The following CCNT2 variants were observed in gnomAD, a reference collection of about 807,000 sequenced individuals.
CCNT2 encodes cyclin-T2.
CCNT2 carries 18 observed loss-of-function variants against 70.0 expected under a neutral mutation model. The ratio of observed to expected loss-of-function variants is 0.26; its 90% CI spans 0.18 to 0.38. The LOEUF is 0.38. Among genes scored for constraint, CCNT2 ranks in the 10% least tolerant of loss-of-function variants. The pLI is 1.00. For synonymous variants in CCNT2, 334 were observed against 313.3 expected, an observed-to-expected ratio of 1.07 and a Z score of -0.70; for missense variants, 734 against 890.2, an observed-to-expected ratio of 0.82 and a Z score of 2.23.
chr2:134,953,426 A>G lies in CCNT2; in HGVS notation c.971A>G (p.Asp324Gly), dbSNP rs1362735949. Residue 324 changes from aspartate (D) to glycine (G), a missense_variant, in exon 9 of 9, where the codon GAC (aspartate) becomes GGC (glycine). By Grantham distance (94) the Asp-to-Gly change is moderately conservative. Around this residue, in one of 3 missense-constraint regions of CCNT2, gnomAD observed 532 missense variants for 556.9 expected, o/e 0.96. Coordinates refer to ENST00000264157, the MANE Select transcript of CCNT2 (RefSeq NM_058241.3). Reference protein sequence around the residue: ...PLNSGNISVQDSHTSDNLSML... With the variant: ...PLNSGNISVQGSHTSDNLSML... ...AATTCAGGAAATATTTCTGTTCAAG[A>G]CAGCCATACATCTGATAATTTGTCA... 1.9e-6 allele frequency: 3 copies of G among 1,611,022 alleles called. No individual in the cohort carries two copies. Among genetic ancestry groups the G allele is most frequent in the Non-Finnish European group, 2.5e-6 (3 of 1,178,356 alleles).
At chr2:134,937,114 G>A in intron 3 of CCNT2, 145 bp downstream of exon 3, 1 of 533,730 alleles carries the variant, frequency 1.9e-6, no homozygotes, top group East Asian at 3.1e-5. Flanking sequence ...ATGCCAGGAA[G>A]CAGTCTGGCA....
chr2:134,931,946 C>T (rs1439776490), intron 2 of CCNT2, among the ~76,000 whole-genome samples: 2 of 151,832 alleles, frequency 1.3e-5, no homozygotes, highest in African/African-American at 4.8e-5. Flanking sequence ...TAGATAGAGC[C>T]TTAACTATGA....
Position 134,954,369 on chromosome 2 carries a change from C to T in CCNT2, c.1914C>T (p.Ser638=), listed in dbSNP as rs1683435249. 1 of 1,614,140 alleles carries T rather than the reference C, an allele frequency of 6.2e-7. No homozygotes were observed. The highest frequency in any genetic ancestry group is 2.2e-5 in the East Asian group (1 of 44,886). ...ACCACTCCAAAATGAGCAAAAGTTC[C>T]AAAAGTTCAGGTAGTTCATCTAGTT... ...HNHHSKMSKS[S]KSSGSSSSSS... is the part of the protein sequence containing the mutation. Residue 638 remains serine (S), a synonymous_variant, in exon 9 of 9, where the codon TCC becomes TCT. Transcript: ENST00000264157.
rs545325932 is a variant in CCNT2, at chr2:134,955,200, A to G, written c.*552A>G. ...GAGCTGCTTGTAAGTATAACAATAT[A>G]CAGAATAACTTTATTTTATCTTGTC... On this transcript the variant is annotated 3_prime_UTR_variant, in exon 9 of 9. Coordinates refer to ENST00000264157, the MANE Select transcript of CCNT2 (RefSeq NM_058241.3). 6.5e-6 allele frequency: 1 copy of G among 154,006 alleles called. No homozygotes were observed. The highest frequency in any genetic ancestry group is 1.9e-4 in the East Asian group (1 of 5,198). The allele number at this position is 154,006 out of a possible 1,614,324, so 9.5% of individuals were successfully genotyped here. A position where few individuals can be genotyped will look rare whatever the true frequency, so the allele number is the denominator to read the frequency against.
chr2:134,954,297 C>T lies in CCNT2; in HGVS notation c.1842C>T (p.Ser614=), dbSNP rs745921388. The change falls in exon 9 of 9, where the codon TCC becomes TCT. Residue 614 remains serine, a synonymous_variant. Coordinates refer to ENST00000264157, the MANE Select transcript of CCNT2 (RefSeq NM_058241.3). The part of the protein sequence containing the change: ...GLSSDGISSS[S]SSSRKRLHVN... ...GCAGTGATGGCATTTCCTCTAGCTCCAGCTCTTCAAGGAAGAGGCTGCATG... is the reference window on the plus strand; with the variant it reads ...GCAGTGATGGCATTTCCTCTAGCTCTAGCTCTTCAAGGAAGAGGCTGCATG... The T allele has an allele frequency of 2.5e-6, 4 of 1,614,124 alleles. No individual in the cohort carries two copies. Among genetic ancestry groups the T allele is most frequent in the Non-Finnish European group, 2.5e-6 (3 of 1,179,964 alleles).
chr2:134,948,730 T>C (rs1682192907), intron 7 of CCNT2, among the ~76,000 whole-genome samples: 1 of 151,876 alleles, frequency 6.6e-6, no homozygotes, highest in Admixed American at 6.6e-5. Context: ...CTTTTTTTTT[T>C]TTTTGAGTCA....
chr2:134,930,280 T>A (rs1680644499), intron 2 of CCNT2, among the ~76,000 whole-genome samples: 2 of 152,216 alleles, frequency 1.3e-5, no homozygotes, highest in Non-Finnish European at 2.9e-5. Context: ...GTTTTCAAGG[T>A]CCGTTCATGG....
At position 134,956,347 on chromosome 2, in the gene CCNT2, G is replaced by A. The variant is rs1682923986; in HGVS notation, c.*1699G>A. 6.6e-6 allele frequency: 1 copy of A among 152,516 alleles called. No homozygotes were observed. The highest frequency in any genetic ancestry group is 2.1e-4 in the South Asian group (1 of 4,828). The allele number at this position is 152,516 out of a possible 1,614,324, so 9.4% of individuals were successfully genotyped here. ...TTTGTCAATGTTATTTGAACTTGGG[G>A]TACTTAGGAGCCTCTTTGTAGGGAC... is the stretch of plus-strand genomic sequence containing the variant. On this transcript the variant is annotated 3_prime_UTR_variant, in exon 9 of 9. Coordinates refer to ENST00000264157, the MANE Select transcript of CCNT2 (RefSeq NM_058241.3).
chr2:134,941,442 G>A (rs2105060487), intron 4 of CCNT2, among the ~76,000 whole-genome samples: 1 of 152,280 alleles, frequency 6.6e-6, no homozygotes, highest in South Asian at 2.1e-4. Context: ...TTACCAGTAA[G>A]GCTTCAGCGG....
chr2:134,939,257 T>C (rs2105054826), intron 4 of CCNT2, among the ~76,000 whole-genome samples, 195 bp downstream of exon 4: 1 of 152,322 alleles, frequency 6.6e-6, no homozygotes, highest in East Asian at 1.9e-4. Context: ...TTAAATTGAA[T>C]GGTAAACGTA....
rs900770729 is a variant in CCNT2, at chr2:134,954,517, G to C, written c.2062G>C (p.Asp688His). The change falls in exon 9 of 9, where the codon GAC becomes CAC. Residue 688 changes from aspartate to histidine, a missense_variant. By Grantham distance (81) the Asp-to-His change is moderately conservative (BLOSUM62 -1). Transcript: ENST00000264157. ...ACATCTCAGCACCCTCGTGAAACTG[G>C]ACAAGAAGCCAGTGGAGACCAACGG... ...YGHLSTLVKLDKKPVETNGPD... is the reference protein window; with the variant it reads ...YGHLSTLVKLHKKPVETNGPD... The C allele has an allele frequency of 6.2e-7, 1 of 1,614,044 alleles. No homozygotes were observed. The highest frequency in any genetic ancestry group is 1.3e-5 in the African/African-American group (1 of 74,914).
At chr2:134,928,970 T>C (rs1680513968) in intron 2 of CCNT2, among the ~76,000 whole-genome samples, 1 of 152,200 alleles carries the variant, frequency 6.6e-6, no homozygotes, top group Non-Finnish European at 1.5e-5. Flanking sequence ...TGATTGGGGT[T>C]TTGAATGCCT....
chr2:134,931,898 T>C (rs1427113909), intron 2 of CCNT2, among the ~76,000 whole-genome samples: 1 of 152,144 alleles, frequency 6.6e-6, no homozygotes, highest in Non-Finnish European at 1.5e-5. Flanking sequence ...TTAGTATTTA[T>C]TGTAGGCTGT....
intron 4 of CCNT2, among the ~76,000 whole-genome samples, chr2:134,939,454 TTTTATTTA>T (rs1030830002): frequency 1.3e-5 from 2 of 151,682 alleles, no homozygotes; most frequent in African/African-American, 4.8e-5. Flanking sequence ...ACCTTTTTTA[TTTTATTTA>T]TTTATTTATT....
At chr2:134,934,978 T>G (rs545699208) in intron 2 of CCNT2, among the ~76,000 whole-genome samples, 2 of 152,342 alleles carry the variant, frequency 1.3e-5, no homozygotes, top group African/African-American at 4.8e-5. Flanking sequence ...TTGAATGTCT[T>G]ATGTGGGCAT....
intron 1 of CCNT2, 109 bp from the exon 2 acceptor site, chr2:134,919,701 T>G: frequency 1.3e-6 from 1 of 784,208 alleles, no homozygotes. Context: ...AGTTTGGGGT[T>G]TGGATTTGAA....
At position 134,947,633 on chromosome 2, in the gene CCNT2, G is replaced by T. The variant is rs556230752; in HGVS notation, c.540-103G>T. 9.3e-6 allele frequency: 7 copies of T among 748,722 alleles called. No homozygotes were observed. In the African/African-American group the frequency reaches 1.1e-4, roughly 11 times the overall value. 46.4% of individuals were successfully genotyped at this position (748,722 alleles called of 1,614,324 possible). A position where few individuals can be genotyped will look rare whatever the true frequency, so the allele number is the denominator to read the frequency against. ...TAAGGTTTTATACTCTAGACTTAAA[G>T]ATAGAGTTTAAATTTTGCTCTAATC... On this transcript the variant is annotated intron_variant, in intron 6 of 8. Coordinates refer to ENST00000264157, the MANE Select transcript of CCNT2 (RefSeq NM_058241.3).
intron 2 of CCNT2, among the ~76,000 whole-genome samples, chr2:134,936,170 G>T (rs1487951932): frequency 2.2e-4 from 33 of 147,536 alleles, no homozygotes; most frequent in African/African-American, 7.0e-4. Context: ...TTTTTTTCAG[G>T]TATAGCATCA....
intron 6 of CCNT2, among the ~76,000 whole-genome samples, chr2:134,946,864 T>C (rs1441060393): frequency 6.6e-6 from 1 of 152,172 alleles, no homozygotes; most frequent in Middle Eastern, 3.2e-3. Flanking sequence ...ATTTGTCTTT[T>C]TGAGTGGATC....
Sources: gnomAD v4.1 joint callset for allele counts (sites outside exome capture counted in the v4.1 genomes callset) on GRCh38, gnomAD v4.1.1 for gene constraint, gnomAD v4.1.1 regional missense constraint, MANE v1.5 for transcripts, NCBI Gene and HGNC (gene_info 2026-07-23, HGNC 2026-07-21) for gene names.